PPP1R14C: variants seen among roughly 807,000 people sequenced by gnomAD.
The protein encoded by PPP1R14C is protein phosphatase 1 regulatory inhibitor subunit 14C.
A neutral mutation model predicts 20.4 loss-of-function variants in PPP1R14C; 16 were observed. The ratio of observed to expected loss-of-function variants is 0.78; its 90% CI spans 0.53 to 1.19. The LOEUF is 1.19. PPP1R14C is among the 50% of genes most tolerant of loss of function. The pLI, the probability that PPP1R14C is intolerant of heterozygous loss-of-function variation, is 0.00. For synonymous variants in PPP1R14C, 91 were observed against 91.0 expected (o/e 1.00, Z 0.00); for missense variants, 211 against 220.1 (o/e 0.96, Z 0.26).
intron 1 of PPP1R14C, among the ~76,000 whole-genome samples, chr6:150,174,965 C>CAAAAAAAAAA: frequency 8.3e-6 from 1 of 120,862 alleles, no homozygotes; most frequent in Admixed American, 8.0e-5. Context: ...GATTCTGTCT[C>CAAAAAAAAAA]AAAAAAAAAA....
chr6:150,194,960 A>G, intron 1 of PPP1R14C: 1 of 985,416 alleles, frequency 1.0e-6, no homozygotes, highest in Non-Finnish European at 1.2e-6. Flanking sequence ...TAAATTGATA[A>G]AGGCAAAAGT....
intron 1 of PPP1R14C, among the ~76,000 whole-genome samples, chr6:150,163,543 T>A (rs1777393886): frequency 6.6e-6 from 1 of 152,066 alleles, no homozygotes; most frequent in African/African-American, 2.4e-5. Context: ...ACTGCAGGGG[T>A]CCCTCGTGTG....
intron 1 of PPP1R14C, among the ~76,000 whole-genome samples, chr6:150,212,148 G>A (rs1562270948): frequency 6.6e-6 from 1 of 152,170 alleles, no homozygotes; most frequent in Non-Finnish European, 1.5e-5. Flanking sequence ...TGTACTCTGG[G>A]GTAGCACTGT....
At chr6:150,203,569 G>A (rs942843761) in intron 1 of PPP1R14C, among the ~76,000 whole-genome samples, 12 of 152,290 alleles carry the variant, frequency 7.9e-5, no homozygotes, top group Middle Eastern at 3.4e-3. Context: ...TGATCTAGGA[G>A]CCTTCCCGAG....
chr6:150,186,048 C>T (rs1777673072), intron 1 of PPP1R14C, among the ~76,000 whole-genome samples: 2 of 152,274 alleles, frequency 1.3e-5, no homozygotes, highest in Non-Finnish European at 2.9e-5. Context: ...AGGAGGCCAC[C>T]AGAATATTCG....
At chr6:150,173,915 G>A (rs1247001077) in intron 1 of PPP1R14C, among the ~76,000 whole-genome samples, 1 of 151,892 alleles carries the variant, frequency 6.6e-6, no homozygotes, top group Non-Finnish European at 1.5e-5. Flanking sequence ...AGCTTCCTCT[G>A]TCTTAGTCCT....
intron 1 of PPP1R14C, among the ~76,000 whole-genome samples, chr6:150,177,906 CT>C (rs2114875979): frequency 1.3e-5 from 2 of 152,324 alleles, no homozygotes; most frequent in South Asian, 4.1e-4. Context: ...ATGGGCTTCC[CT>C]GTGGCATGTG....
At chr6:150,229,799 A>G (rs1005902961) in intron 3 of PPP1R14C, among the ~76,000 whole-genome samples, 7 of 152,212 alleles carry the variant, frequency 4.6e-5, no homozygotes, top group Admixed American at 4.6e-4. Context: ...GCCTCCTTTC[A>G]GATAATGAAA....
intron 3 of PPP1R14C, among the ~76,000 whole-genome samples, chr6:150,237,147 G>A (rs1778371428): frequency 6.6e-6 from 1 of 152,026 alleles, no homozygotes. Context: ...AAATGGGCGG[G>A]GGTGGGGCAG....
intron 3 of PPP1R14C, among the ~76,000 whole-genome samples, chr6:150,219,720 C>T (rs1475796617): frequency 6.6e-6 from 1 of 152,166 alleles, no homozygotes; most frequent in Non-Finnish European, 1.5e-5. Context: ...ATTCTACTCT[C>T]TGCATTGTCT....
intron 1 of PPP1R14C, among the ~76,000 whole-genome samples, chr6:150,155,715 G>T (rs1777297905): frequency 6.6e-6 from 1 of 152,048 alleles, no homozygotes; most frequent in Non-Finnish European, 1.5e-5. Context: ...ACAGGAGTCA[G>T]CCATTTCTTA....
At chr6:150,240,721 C>T (rs943129034) in intron 3 of PPP1R14C, among the ~76,000 whole-genome samples, 6 of 152,156 alleles carry the variant, frequency 3.9e-5, no homozygotes, top group East Asian at 3.9e-4. Flanking sequence ...GCCTCTGATC[C>T]TTTTGTTACC....
chr6:150,219,895 C>A (rs1220460660), intron 3 of PPP1R14C, among the ~76,000 whole-genome samples: 1 of 151,976 alleles, frequency 6.6e-6, no homozygotes, highest in African/African-American at 2.4e-5. Context: ...TGCTCTGTCA[C>A]CCCAGGCTGG....
intron 1 of PPP1R14C, among the ~76,000 whole-genome samples, chr6:150,145,124 A>G (rs1777167932): frequency 6.6e-6 from 1 of 152,220 alleles, no homozygotes; most frequent in Non-Finnish European, 1.5e-5. Flanking sequence ...GGGAAGCTAG[A>G]AAGAGCTCTA....
At chr6:150,237,734 G>A (rs959439790) in intron 3 of PPP1R14C, among the ~76,000 whole-genome samples, 4 of 152,146 alleles carry the variant, frequency 2.6e-5, no homozygotes, top group Admixed American at 1.3e-4. Flanking sequence ...GGAAAACTGA[G>A]GCATGGAGAA....
chr6:150,207,500 A>G (rs1777968708), intron 1 of PPP1R14C, among the ~76,000 whole-genome samples: 1 of 152,180 alleles, frequency 6.6e-6, no homozygotes, highest in Non-Finnish European at 1.5e-5. Flanking sequence ...TCACTCCGGC[A>G]TCCCATGTAC....
intron 1 of PPP1R14C, among the ~76,000 whole-genome samples, chr6:150,191,506 T>A (rs1198381273): frequency 6.6e-6 from 1 of 152,212 alleles, no homozygotes. Context: ...TGTGTATGTC[T>A]CTCAGAGCAT....
In PPP1R14C at chr6:150,143,398, A is replaced by G; in HGVS notation, c.206A>G (p.Gln69Arg). 6.2e-7 allele frequency: 1 copy of G among 1,612,036 alleles called. No individual in the cohort carries two copies. Residue 69 changes from glutamine to arginine, a missense_variant, in exon 1 of 4, where the codon CAG becomes CGG. Physicochemically the swap from Gln to Arg is conservative, Grantham distance 43. Coordinates refer to ENST00000361131, the MANE Select transcript of PPP1R14C (RefSeq NM_030949.3). The surrounding 1 kb of genome is among the most constrained non-coding windows in gnomAD (Gnocchi z 5.6). Reference protein sequence around the residue: ...VQQQQQRRHQQGKVTVKYDRK... With the variant: ...VQQQQQRRHQRGKVTVKYDRK... ...CAGCAACAGCAGCGGCGACACCAGC[A>G]GGGAAAAGTGACAGTGAAATACGAT...
At chr6:150,236,270 C>CCTTA (rs1335181130) in intron 3 of PPP1R14C, among the ~76,000 whole-genome samples, 1 of 151,020 alleles carries the variant, frequency 6.6e-6, no homozygotes, top group Non-Finnish European at 1.5e-5. Context: ...TGAAAGGTGC[C>CCTTA]CAGTAAGTAT....
Sources: gnomAD v4.1 joint callset for allele counts (sites outside exome capture counted in the v4.1 genomes callset) on GRCh38, gnomAD v4.1.1 for gene constraint, Gnocchi (gnomAD v3.1) non-coding constraint, MANE v1.5 for transcripts, NCBI Gene and HGNC (gene_info 2026-07-23, HGNC 2026-07-21) for gene names.